NXPH1: variants seen among roughly 807,000 people sequenced by gnomAD.
NXPH1 encodes neurexophilin-1.
Under a neutral mutation model 23.7 loss-of-function variants are expected in NXPH1, and 5 were observed. That is an observed-to-expected ratio of 0.21 (90% confidence interval 0.11 to 0.44). The LOEUF is 0.44. Ranked by LOEUF, NXPH1 falls within the 20% of genes least tolerant of loss-of-function variation. The pLI is 0.99. For missense variants in NXPH1, 324 were observed against 321.6 expected (o/e 1.01, Z -0.06); for synonymous variants, 144 against 122.2 (o/e 1.18, Z -1.18).
intron 2 of NXPH1, among the ~76,000 whole-genome samples, chr7:8,686,661 CAA>C (rs1275485211): frequency 6.6e-6 from 1 of 152,136 alleles, no homozygotes; most frequent in East Asian, 1.9e-4. Flanking sequence ...GTGCTAAAGA[CAA>C]AGAGACAAGT....
intron 2 of NXPH1, among the ~76,000 whole-genome samples, chr7:8,522,084 T>A (rs1817781597): frequency 6.6e-6 from 1 of 152,232 alleles, no homozygotes; most frequent in African/African-American, 2.4e-5. Flanking sequence ...TAGGTAGTTA[T>A]TGTTCTTAAG....
At chr7:8,654,142 G>A (rs1015493719) in intron 2 of NXPH1, among the ~76,000 whole-genome samples, 1 of 151,984 alleles carries the variant, frequency 6.6e-6, no homozygotes, top group Non-Finnish European at 1.5e-5. Flanking sequence ...CTTTTGGATA[G>A]TCTCAATTTC....
intron 2 of NXPH1, among the ~76,000 whole-genome samples, chr7:8,662,473 G>A (rs1022637346): frequency 6.6e-6 from 1 of 151,990 alleles, no homozygotes; most frequent in African/African-American, 2.4e-5. Flanking sequence ...ATGAGAAAAT[G>A]TACTTTGACA....
intron 2 of NXPH1, among the ~76,000 whole-genome samples, chr7:8,451,878 C>G (rs1173876546): frequency 6.6e-6 from 1 of 152,172 alleles, no homozygotes; most frequent in East Asian, 1.9e-4. Context: ...TTTCATGATC[C>G]TTTCCCCATT....
intron 2 of NXPH1, among the ~76,000 whole-genome samples, chr7:8,483,542 C>T (rs1817108937): frequency 6.6e-6 from 1 of 152,042 alleles, no homozygotes; most frequent in Admixed American, 6.6e-5. Flanking sequence ...CTCCTGGGCT[C>T]AAGCGATCTA....
At chr7:8,621,138 A>T (rs986866604) in intron 2 of NXPH1, among the ~76,000 whole-genome samples, 2 of 152,174 alleles carry the variant, frequency 1.3e-5, no homozygotes, top group African/African-American at 4.8e-5. Context: ...ATTAATGTAT[A>T]TAACTAAATC....
intron 2 of NXPH1, among the ~76,000 whole-genome samples, chr7:8,667,330 C>T (rs1262118115): frequency 1.3e-5 from 2 of 151,572 alleles, no homozygotes; most frequent in South Asian, 4.2e-4. Flanking sequence ...TGAAGAACTC[C>T]CTTTCACATT....
At chr7:8,659,589 G>C (rs12668188) in intron 2 of NXPH1, among the ~76,000 whole-genome samples, 96,394 of 151,882 alleles carry the variant, frequency 0.63, 31,498 homozygotes, top group Middle Eastern at 0.76. Flanking sequence ...TCGTGGGGTG[G>C]GGGCAGTGGG....
intron 2 of NXPH1, among the ~76,000 whole-genome samples, chr7:8,447,209 C>T (rs1453185782): frequency 1.3e-5 from 2 of 152,206 alleles, no homozygotes; most frequent in Non-Finnish European, 2.9e-5. Flanking sequence ...AGCTGTCTAT[C>T]TAATCTCTGA....
intron 2 of NXPH1, among the ~76,000 whole-genome samples, chr7:8,694,099 G>A (rs182942150): frequency 2.0e-5 from 3 of 152,296 alleles, no homozygotes; most frequent in Admixed American, 2.0e-4. Flanking sequence ...GGCAAGCCCT[G>A]ATTGATTAGG....
intron 2 of NXPH1, among the ~76,000 whole-genome samples, chr7:8,541,155 A>G (rs1301318475): frequency 1.3e-5 from 2 of 151,772 alleles, no homozygotes; most frequent in African/African-American, 2.4e-5. Context: ...TATGGAAGAG[A>G]TGGACTTCAA....
Position 8,727,817 on chromosome 7 carries a change from G to A in NXPH1, c.55-23191G>A, listed in dbSNP as rs1780082107. ...TTTGGCTTAGGATTGACTTGGTGAT[G>A]CGGGCTCTTTTTTGGTTCCATATGA... On this transcript the variant is annotated intron_variant, in intron 2 of 2. Transcript: ENST00000405863. Among the ~76,000 whole-genome samples the A allele has an allele frequency of 2.6e-5, 4 of 152,172 alleles. No homozygotes were observed. The South Asian group carries it at 8.3e-4, about 32-fold the overall frequency.
chr7:8,462,406 T>C (rs144355059), intron 2 of NXPH1, among the ~76,000 whole-genome samples: 2 of 152,262 alleles, frequency 1.3e-5, no homozygotes, highest in East Asian at 1.9e-4. Context: ...CTAGGCACTT[T>C]ACAAATGTTA....
At chr7:8,674,074 AT>A (rs139601683) in intron 2 of NXPH1, among the ~76,000 whole-genome samples, 2,614 of 151,774 alleles carry the variant, frequency 0.017, 75 homozygotes, top group African/African-American at 0.06. Flanking sequence ...AGTAAAAATT[AT>A]TTTTTCTATT....
intron 2 of NXPH1, among the ~76,000 whole-genome samples, chr7:8,565,691 G>GA (rs1401089415): frequency 6.6e-6 from 1 of 151,400 alleles, no homozygotes; most frequent in African/African-American, 2.4e-5. Flanking sequence ...TTATTTTTTT[G>GA]GGTGTTTCAC....
chr7:8,735,826 C>G (rs564244340), intron 2 of NXPH1, among the ~76,000 whole-genome samples: 1 of 152,060 alleles, frequency 6.6e-6, no homozygotes, highest in Non-Finnish European at 1.5e-5. Context: ...CATTATTGGT[C>G]TATTCAGGGA....
chr7:8,670,905 A>T (rs1046574222), intron 2 of NXPH1, among the ~76,000 whole-genome samples: 6 of 152,122 alleles, frequency 3.9e-5, no homozygotes, highest in African/African-American at 1.4e-4. Flanking sequence ...ATCCATACAC[A>T]GTGTATTAGG....
chr7:8,604,716 T>C (rs1004308530), intron 2 of NXPH1, among the ~76,000 whole-genome samples: 1 of 152,150 alleles, frequency 6.6e-6, no homozygotes, highest in African/African-American at 2.4e-5. Context: ...CAAGATATTA[T>C]AGGCAGGTTC....
intron 2 of NXPH1, among the ~76,000 whole-genome samples, chr7:8,653,429 C>T (rs1031151881): frequency 5.9e-5 from 9 of 152,068 alleles, no homozygotes; most frequent in Admixed American, 1.3e-4. Flanking sequence ...CTATAGCGCT[C>T]GTAAGCTCTG....
Sources: allele counts gnomAD v4.1 joint callset (sites outside exome capture counted in the v4.1 genomes callset), GRCh38; gene constraint gnomAD v4.1.1; transcripts MANE v1.5; gene names NCBI Gene and HGNC (gene_info 2026-07-23, HGNC 2026-07-21).